The following RANBP2 variants were observed in gnomAD, a reference collection of about 807,000 sequenced individuals.
RANBP2 encodes E3 SUMO-protein ligase RanBP2.
In RANBP2, 57 loss-of-function variants were observed where a neutral mutation model predicts 303.6. That is an observed-to-expected ratio of 0.19 (90% CI 0.15 to 0.23). The LOEUF (loss-of-function observed/expected upper bound fraction) is 0.23, where lower values mean the gene tolerates loss of function less well. Ranked by LOEUF, RANBP2 falls within the 10% of genes least tolerant of loss-of-function variation. The pLI is 1.00. For missense variants in RANBP2, 3,138 were observed against 3,780.8 expected, an observed-to-expected ratio of 0.83 and a Z score of 4.46; for synonymous variants, 1,167 against 1,301.5, an observed-to-expected ratio of 0.90 and a Z score of 2.23.
the RANBP2 span, among the ~76,000 whole-genome samples, chr2:109,015,494 A>G: frequency 3.1e-4 from 47 of 152,324 alleles, no homozygotes; most frequent in Admixed American, 7.8e-4. Context: ...ACAGTGGCTC[A>G]TGCCTGTATT....
At chr2:109,571,016 G>A in the RANBP2 span, among the ~76,000 whole-genome samples, 1 of 152,160 alleles carries the variant, frequency 6.6e-6, no homozygotes, top group Non-Finnish European at 1.5e-5. Flanking sequence ...CATGGGGACA[G>A]AGTTGTCCCT....
chr2:109,025,827 A>C, the RANBP2 span, among the ~76,000 whole-genome samples: 33 of 151,328 alleles, frequency 2.2e-4, no homozygotes, highest in African/African-American at 5.4e-4. Flanking sequence ...AAAAAATTAC[A>C]TCAATAGGTT....
chr2:109,277,892 A>T, the RANBP2 span, among the ~76,000 whole-genome samples: 1 of 151,848 alleles, frequency 6.6e-6, no homozygotes, highest in Non-Finnish European at 1.5e-5. Flanking sequence ...AAGGCATTTC[A>T]GGCCGGGTGT....
At chr2:109,696,051 C>A in the RANBP2 span, among the ~76,000 whole-genome samples, 1 of 152,068 alleles carries the variant, frequency 6.6e-6, no homozygotes, top group Non-Finnish European at 1.5e-5. Context: ...GCAACCTCCA[C>A]CTCCCGGGTT....
the RANBP2 span, among the ~76,000 whole-genome samples, chr2:109,525,617 A>G: frequency 3.3e-5 from 5 of 152,216 alleles, no homozygotes; most frequent in African/African-American, 1.2e-4. Flanking sequence ...TCAGGGCAGG[A>G]TGGAAACATT....
At chr2:109,382,466 C>T in the RANBP2 span, among the ~76,000 whole-genome samples, 1 of 152,158 alleles carries the variant, frequency 6.6e-6, no homozygotes, top group East Asian at 1.9e-4. Flanking sequence ...ACGTGGTTGG[C>T]CTTTCCTCAG....
chr2:109,260,452 G>C, the RANBP2 span, among the ~76,000 whole-genome samples: 26 of 152,334 alleles, frequency 1.7e-4, no homozygotes, highest in African/African-American at 6.0e-4. Context: ...GGTGGAGAAA[G>C]CATCTGCCTC....
chr2:108,850,937 C>G, the RANBP2 span, among the ~76,000 whole-genome samples: 2 of 152,112 alleles, frequency 1.3e-5, no homozygotes, highest in Non-Finnish European at 2.9e-5. Context: ...CACGATCCAC[C>G]TGGAGATAGT....
the RANBP2 span, chr2:109,347,687 T>C: frequency 6.2e-7 from 1 of 1,613,506 alleles, no homozygotes; most frequent in Non-Finnish European, 8.5e-7. Context: ...CCCTGCCTGC[T>C]TCCCTATGGC....
chr2:109,165,864 G>A, the RANBP2 span, among the ~76,000 whole-genome samples: 256 of 152,328 alleles, frequency 1.7e-3, no homozygotes, highest in Non-Finnish European at 2.5e-3. Context: ...AGTGCTCTAC[G>A]TGTGCCCAGG....
the RANBP2 span, among the ~76,000 whole-genome samples, chr2:109,716,265 T>A: frequency 2.6e-5 from 4 of 152,240 alleles, no homozygotes; most frequent in East Asian, 7.7e-4. Flanking sequence ...AATTTATTTA[T>A]TTTTTGAGAT....
chr2:109,377,149 T>C, the RANBP2 span, among the ~76,000 whole-genome samples: 1 of 152,218 alleles, frequency 6.6e-6, no homozygotes, highest in East Asian at 1.9e-4. Context: ...GCGTTTCCCA[T>C]TGATTGTCTG....
the RANBP2 span, among the ~76,000 whole-genome samples, chr2:109,411,530 C>T: frequency 1.3e-3 from 198 of 152,346 alleles, no homozygotes; most frequent in Admixed American, 3.3e-3. Flanking sequence ...TCCGTAGCAA[C>T]AGAGACCAGA....
the RANBP2 span, chr2:108,911,080 T>C: frequency 6.2e-7 from 1 of 1,614,028 alleles, no homozygotes; most frequent in Non-Finnish European, 8.5e-7. Flanking sequence ...GTTCTGTGGG[T>C]GGAGAGAAGG....
At chr2:109,593,083 T>G in the RANBP2 span, 1 of 1,601,274 alleles carries the variant, frequency 6.2e-7, no homozygotes, top group South Asian at 1.1e-5. Flanking sequence ...TGTGAAGACA[T>G]ACAAGTTGTT....
At chr2:109,407,746 T>TA in the RANBP2 span, among the ~76,000 whole-genome samples, 9 of 151,492 alleles carry the variant, frequency 5.9e-5, no homozygotes, top group African/African-American at 1.5e-4. Context: ...CTGGGATGAA[T>TA]AAAAAAAAAA....
At chr2:108,901,056 G>T in the RANBP2 span, among the ~76,000 whole-genome samples, 1 of 152,138 alleles carries the variant, frequency 6.6e-6, no homozygotes, top group Non-Finnish European at 1.5e-5. Flanking sequence ...AACATTTATA[G>T]AACACTCCAT....
the RANBP2 span, among the ~76,000 whole-genome samples, chr2:109,461,968 G>A: frequency 2.6e-5 from 4 of 152,170 alleles, no homozygotes; most frequent in African/African-American, 4.8e-5. Context: ...GGGGCTAGAC[G>A]TAACCACTTT....
the RANBP2 span, among the ~76,000 whole-genome samples, chr2:109,282,216 C>T: frequency 1.3e-5 from 2 of 152,154 alleles, no homozygotes; most frequent in African/African-American, 4.8e-5. Context: ...TGGGGTTAAA[C>T]CTGCATCTTT....
Sources: allele counts gnomAD v4.1 joint callset (sites outside exome capture counted in the v4.1 genomes callset), GRCh38; gene constraint gnomAD v4.1.1; transcripts MANE v1.5; gene names NCBI Gene and HGNC (gene_info 2026-07-23, HGNC 2026-07-21).